Variants in ATP2B2 observed in about 807,000 individuals in gnomAD.
The protein encoded by ATP2B2 is ATPase plasma membrane Ca2+ transporting 2.
Under a neutral mutation model 120.0 loss-of-function variants are expected in ATP2B2, and 15 were observed. That is an observed-to-expected ratio of 0.12 (90% CI 0.08 to 0.19). ATP2B2 has a LOEUF of 0.19. Ranked by LOEUF, ATP2B2 falls within the 10% of genes least tolerant of loss-of-function variation. The probability of loss-of-function intolerance (pLI) is 1.00; values close to 1 mark genes in which losing one functional copy is unlikely to be tolerated. For missense variants in ATP2B2, 1,045 were observed against 1,719.8 expected, an observed-to-expected ratio of 0.61 and a Z score of 6.94; for synonymous variants, 694 against 700.3, an observed-to-expected ratio of 0.99 and a Z score of 0.14.
chr3:10,341,347 G>A (rs975495688), intron 19 of ATP2B2, among the ~76,000 whole-genome samples: 3 of 152,156 alleles, frequency 2.0e-5, no homozygotes, highest in Admixed American at 1.3e-4. Flanking sequence ...GAGTCTCGTT[G>A]TTGCCCAGGC....
chr3:10,500,978 C>G (rs1373449064), intron 1 of ATP2B2, among the ~76,000 whole-genome samples: 1 of 152,184 alleles, frequency 6.6e-6, no homozygotes, highest in Non-Finnish European at 1.5e-5. Context: ...GAGCTTGGGA[C>G]CAGAGGGCTT....
At chr3:10,394,873 G>A (rs2061983546) in intron 5 of ATP2B2, among the ~76,000 whole-genome samples, 1 of 152,014 alleles carries the variant, frequency 6.6e-6, no homozygotes, top group African/African-American at 2.4e-5. Flanking sequence ...CTGGCCCCCT[G>A]GCTCCAGCCC....
At position 10,584,824 on chromosome 3, in the gene ATP2B2, T is replaced by C. The variant is rs183350058; in HGVS notation, c.-415+35093A>G. ...GGATATCTAACAGGCATCCCAAGCA[T>C]AACACAATTTCACCTGGTTTAGCCT... is the stretch of plus-strand genomic sequence containing the variant. On this transcript the variant is annotated intron_variant, in intron 2 of 21. Coordinates refer to the ATP2B2 transcript ENST00000646379. Among the ~76,000 whole-genome samples the C allele has an allele frequency of 2.5e-3, 376 of 152,326 alleles. 1 individual carries two copies. The highest frequency in any genetic ancestry group is 8.8e-3 in the African/African-American group (364 of 41,564).
At position 10,413,285 on chromosome 3, in the gene ATP2B2, G is replaced by A. The variant is rs3774151; in HGVS notation, c.200-2470C>T. Reference sequence around the variant, plus strand: ...TTCTAGATGCGGAGTCTCCTCAGATGCTGACCATGAGATCTCCATCAGGAG... The same window carrying A: ...TTCTAGATGCGGAGTCTCCTCAGATACTGACCATGAGATCTCCATCAGGAG... On this transcript the variant is annotated intron_variant, in intron 2 of 22. Coordinates refer to ENST00000360273, the MANE Select transcript of ATP2B2 (RefSeq NM_001001331.4). 7.0e-3 allele frequency among the ~76,000 whole-genome samples: 1,060 copies of A among 152,316 alleles called. 99 individuals carry two copies. In the East Asian group the frequency reaches 0.18, roughly 26 times the overall value.
At chr3:10,572,364 T>A (rs1012637450) in intron 2 of ATP2B2, among the ~76,000 whole-genome samples, 4 of 152,212 alleles carry the variant, frequency 2.6e-5, no homozygotes, top group African/African-American at 9.6e-5. Context: ...ATAAAAACAA[T>A]CCACATAAAA....
At chr3:10,526,834 ATAACAATAATAG>A (rs1190548411) in intron 3 of ATP2B2, among the ~76,000 whole-genome samples, 2 of 152,110 alleles carry the variant, frequency 1.3e-5, no homozygotes, top group African/African-American at 4.8e-5. Flanking sequence ...CCTAATAATA[ATAACAATAATAG>A]TAACCATGAT....
At chr3:10,661,653 T>C (rs1391715500) in intron 1 of ATP2B2, among the ~76,000 whole-genome samples, 1 of 152,192 alleles carries the variant, frequency 6.6e-6, no homozygotes, top group Non-Finnish European at 1.5e-5. Context: ...AGAATCAATA[T>C]CGTGAAAATG....
intron 2 of ATP2B2, among the ~76,000 whole-genome samples, chr3:10,575,212 A>G (rs2068216934): frequency 6.6e-6 from 1 of 152,166 alleles, no homozygotes; most frequent in South Asian, 2.1e-4. Context: ...AGAAAAAGCC[A>G]TCTGGATCAC....
At chr3:10,388,211 A>C (rs1238661588) in intron 6 of ATP2B2, 66 bp downstream of exon 6, 1 of 1,610,406 alleles carries the variant, frequency 6.2e-7, no homozygotes, top group South Asian at 1.1e-5. Flanking sequence ...TTGAGTGAAC[A>C]AATAAACAAA....
At chr3:10,348,504 C>T (rs2060489957) in intron 16 of ATP2B2, among the ~76,000 whole-genome samples, 1 of 152,172 alleles carries the variant, frequency 6.6e-6, no homozygotes, top group African/African-American at 2.4e-5. Context: ...GGATCTGCTG[C>T]CCTCCCACCT....
intron 2 of ATP2B2, among the ~76,000 whole-genome samples, chr3:10,581,621 C>T (rs189288653): frequency 6.6e-5 from 10 of 152,308 alleles, no homozygotes; most frequent in African/African-American, 2.4e-4. Context: ...CACTAGGCAT[C>T]GCAAGGAATT....
intron 1 of ATP2B2, among the ~76,000 whole-genome samples, chr3:10,650,945 T>C (rs2125665564): frequency 6.6e-6 from 1 of 152,360 alleles, no homozygotes; most frequent in East Asian, 1.9e-4. Flanking sequence ...TTTTAAGCTT[T>C]AAGGCTTGAC....
intron 2 of ATP2B2, among the ~76,000 whole-genome samples, chr3:10,604,676 CCT>C (rs1378872909): frequency 6.6e-6 from 1 of 152,208 alleles, no homozygotes. Context: ...AACCTGGGTC[CCT>C]GACATCTCTG....
chr3:10,627,213 C>T (rs556264941), intron 1 of ATP2B2, among the ~76,000 whole-genome samples: 1 of 152,306 alleles, frequency 6.6e-6, no homozygotes, highest in African/African-American at 2.4e-5. Flanking sequence ...CTCTAAGAGG[C>T]GGGTGCTTTC....
chr3:10,337,050 C>T (rs920376752), intron 22 of ATP2B2, among the ~76,000 whole-genome samples: 8 of 152,142 alleles, frequency 5.3e-5, no homozygotes, highest in African/African-American at 9.7e-5. Flanking sequence ...AGCCCAGGCC[C>T]GTGTCAGGCA....
At chr3:10,336,255 C>G (rs749398157) in intron 22 of ATP2B2, 1 of 1,550,466 alleles carries the variant, frequency 6.4e-7, no homozygotes, top group African/African-American at 1.4e-5. Context: ...CTCCGCAGGG[C>G]CCCCTGAAAG....
chr3:10,624,480 GCCTGGACACTGGTGTGT>G (rs1357932994), intron 1 of ATP2B2, among the ~76,000 whole-genome samples: 1 of 152,180 alleles, frequency 6.6e-6, no homozygotes, highest in Non-Finnish European at 1.5e-5. Flanking sequence ...GAGGGATTGT[GCCTGGACACTGGTGTGT>G]CCCAGGGGTT....
At chr3:10,686,273 T>C (rs2071521270) in intron 1 of ATP2B2, among the ~76,000 whole-genome samples, 1 of 152,086 alleles carries the variant, frequency 6.6e-6, no homozygotes, top group Non-Finnish European at 1.5e-5. Context: ...CTGATGTTAG[T>C]CTTGTGGAGG....
chr3:10,529,146 T>G (rs1375578765), intron 3 of ATP2B2, among the ~76,000 whole-genome samples: 1 of 152,168 alleles, frequency 6.6e-6, no homozygotes, highest in Non-Finnish European at 1.5e-5. Flanking sequence ...AAGTGACTGA[T>G]GAGAGGGAGT....
Sources: allele counts gnomAD v4.1 joint callset (sites outside exome capture counted in the v4.1 genomes callset), GRCh38; gene constraint gnomAD v4.1.1; transcripts MANE v1.5; gene names NCBI Gene and HGNC (gene_info 2026-07-23, HGNC 2026-07-21).